The following HIVEP3 variants were observed in gnomAD, a reference collection of about 807,000 sequenced individuals.
HIVEP3 encodes transcription factor HIVEP3.
Under a neutral mutation model 152.8 loss-of-function variants are expected in HIVEP3, and 49 were observed. The ratio of observed to expected loss-of-function variants is 0.32; its 90% CI spans 0.26 to 0.41. The LOEUF is 0.41. Ranked by LOEUF, HIVEP3 falls within the 10% of genes least tolerant of loss-of-function variation. The probability of loss-of-function intolerance (pLI) is 1.00; values close to 1 mark genes in which losing one functional copy is unlikely to be tolerated. For synonymous variants in HIVEP3, 1,269 were observed against 1,289.0 expected, an observed-to-expected ratio of 0.98 and a Z score of 0.33; for missense variants, 2,790 against 3,103.3, an observed-to-expected ratio of 0.90 and a Z score of 2.40.
intron 1 of HIVEP3, among the ~76,000 whole-genome samples, chr1:42,011,721 G>A (rs549163595): frequency 3.9e-5 from 6 of 152,238 alleles, no homozygotes; most frequent in South Asian, 2.1e-4. Context: ...CAGAGGGGTC[G>A]CCCACATCCT....
intron 2 of HIVEP3, among the ~76,000 whole-genome samples, chr1:41,681,906 C>T (rs1646045245): frequency 6.6e-6 from 1 of 152,212 alleles, no homozygotes; most frequent in African/African-American, 2.4e-5. Context: ...CCCAGCTCCC[C>T]TCTGGGAATG....
At chr1:41,530,170 C>T (rs1643202742) in intron 5 of HIVEP3, among the ~76,000 whole-genome samples, 1 of 152,224 alleles carries the variant, frequency 6.6e-6, no homozygotes, top group South Asian at 2.1e-4. Context: ...TGCCCCTTCT[C>T]CACCATGGCT....
intron 2 of HIVEP3, among the ~76,000 whole-genome samples, chr1:41,685,508 C>G (rs1646101330): frequency 6.6e-6 from 1 of 152,218 alleles, no homozygotes; most frequent in South Asian, 2.1e-4. Context: ...CATTCACCCC[C>G]CTCTCCAGCC....
intron 1 of HIVEP3, among the ~76,000 whole-genome samples, chr1:41,875,212 C>T (rs1005264201): frequency 6.6e-6 from 1 of 152,248 alleles, no homozygotes; most frequent in Non-Finnish European, 1.5e-5. Context: ...TAAGGCTCTA[C>T]TGCTCTCAGC....
chr1:41,518,930 G>T lies in HIVEP3; in HGVS notation c.5384-442C>A, dbSNP rs1419775504. ...TGGGATGACGTGGGAGGCTCCCATT[G>T]ACCGGCATGACGGGTGAGGACTGAG... On this transcript the variant is annotated intron_variant, in intron 6 of 8. Transcript: ENST00000372583. Among the ~76,000 whole-genome samples the T allele has an allele frequency of 2.7e-5, 4 of 150,054 alleles. No individual in the cohort carries two copies. The Admixed American group carries it at 2.7e-4, about 10-fold the overall frequency.
At chr1:41,645,257 C>T (rs1241511635) in intron 2 of HIVEP3, among the ~76,000 whole-genome samples, 1 of 152,158 alleles carries the variant, frequency 6.6e-6, no homozygotes, top group African/African-American at 2.4e-5. Flanking sequence ...CTGCAGGGCT[C>T]CTTCTCTGAG....
intron 1 of HIVEP3, among the ~76,000 whole-genome samples, chr1:41,711,273 G>A (rs1646509394): frequency 6.6e-6 from 1 of 152,254 alleles, no homozygotes; most frequent in African/African-American, 2.4e-5. Context: ...AGGCCAGGAA[G>A]AGGCCAGAAA....
At chr1:41,694,029 C>T (rs1186907926) in intron 2 of HIVEP3, among the ~76,000 whole-genome samples, 2 of 152,164 alleles carry the variant, frequency 1.3e-5, no homozygotes, top group Non-Finnish European at 2.9e-5. Flanking sequence ...TTTTCTAGGC[C>T]ATTCATCCAT....
At chr1:41,796,955 A>G (rs1475311680) in intron 1 of HIVEP3, among the ~76,000 whole-genome samples, 2 of 152,218 alleles carry the variant, frequency 1.3e-5, no homozygotes, top group Admixed American at 6.5e-5. Context: ...CTGCTGATCC[A>G]GAAGCTACAT....
chr1:41,732,577 C>A (rs1003767729), intron 1 of HIVEP3, among the ~76,000 whole-genome samples: 3 of 152,008 alleles, frequency 2.0e-5, no homozygotes, highest in Non-Finnish European at 4.4e-5. Flanking sequence ...AAAGGCCCTG[C>A]CTGAGTTGAG....
At chr1:41,881,271 CACA>C (rs1047587620) in intron 1 of HIVEP3, among the ~76,000 whole-genome samples, 2 of 152,176 alleles carry the variant, frequency 1.3e-5, no homozygotes, top group African/African-American at 4.8e-5. Context: ...GTTATATCTT[CACA>C]ACAATGATGA....
chr1:41,884,017 G>C (rs181592029), intron 1 of HIVEP3, among the ~76,000 whole-genome samples: 62 of 152,356 alleles, frequency 4.1e-4, no homozygotes, highest in Non-Finnish European at 7.1e-4. Context: ...GGCTAGAGCA[G>C]TGCAGTGGCG....
At chr1:41,932,106 A>C (rs1644999092) in intron 1 of HIVEP3, among the ~76,000 whole-genome samples, 1 of 151,898 alleles carries the variant, frequency 6.6e-6, no homozygotes, top group Non-Finnish European at 1.5e-5. Context: ...TTTGAGGTTA[A>C]GAAAATTGCC....
chr1:41,856,182 A>C (rs994822141), intron 1 of HIVEP3, among the ~76,000 whole-genome samples: 1 of 152,258 alleles, frequency 6.6e-6, no homozygotes, highest in African/African-American at 2.4e-5. Flanking sequence ...ATGTGTCAGC[A>C]GCAAATCCAA....
chr1:42,021,570 A>T (rs1645554484), intron 1 of HIVEP3, among the ~76,000 whole-genome samples: 1 of 152,138 alleles, frequency 6.6e-6, no homozygotes, highest in African/African-American at 2.4e-5. Flanking sequence ...AAGTGAATAT[A>T]TGGGTCTGAA....
intron 4 of HIVEP3, among the ~76,000 whole-genome samples, chr1:41,578,460 C>T (rs1353526950): frequency 6.6e-6 from 1 of 152,110 alleles, no homozygotes; most frequent in African/African-American, 2.4e-5. Context: ...TCCAGTCAAG[C>T]TAAGGACAAA....
At chr1:41,605,375 G>GCGCGCACA (rs1283562242) in intron 3 of HIVEP3, among the ~76,000 whole-genome samples, 1 of 126,624 alleles carries the variant, frequency 7.9e-6, no homozygotes, top group Non-Finnish European at 1.6e-5. Context: ...ACGCACACGC[G>GCGCGCACA]CACACACACA....
chr1:41,812,965 G>C (rs1173091461), intron 1 of HIVEP3, among the ~76,000 whole-genome samples: 1 of 152,222 alleles, frequency 6.6e-6, no homozygotes, highest in African/African-American at 2.4e-5. Context: ...TGGGGCCTCT[G>C]AGACTCCTAC....
rs1182343074 is a variant in HIVEP3, at chr1:41,662,587, T to G, written c.-720-33640A>C. ...GGTCGCAGATGGGCCCGGGCGCGGC[T>G]GGCGGCTGCCAGGGGAGGGTCTCCT... On this transcript the variant is annotated intron_variant, in intron 2 of 8. Transcript: ENST00000372583. The surrounding 1 kb of genome is among the most constrained non-coding windows in gnomAD (Gnocchi z 7.2). 1.3e-5 allele frequency among the ~76,000 whole-genome samples: 2 copies of G among 150,466 alleles called. No homozygotes were observed. The highest frequency in any genetic ancestry group is 3.0e-5 in the Non-Finnish European group (2 of 67,434).
Sources: gnomAD v4.1 joint callset for allele counts (sites outside exome capture counted in the v4.1 genomes callset) on GRCh38, gnomAD v4.1.1 for gene constraint, Gnocchi (gnomAD v3.1) non-coding constraint, MANE v1.5 for transcripts, NCBI Gene and HGNC (gene_info 2026-07-23, HGNC 2026-07-21) for gene names.